The following MIPOL1 variants were observed in gnomAD, a reference collection of about 807,000 sequenced individuals.
MIPOL1 encodes the protein mirror-image polydactyly gene 1 protein.
Under a neutral mutation model 60.9 loss-of-function variants are expected in MIPOL1, and 57 were observed. The observed-to-expected ratio is 0.94, with a 90% CI of 0.76 to 1.17. The LOEUF is 1.17. MIPOL1 is among the 50% of genes most tolerant of loss of function. The pLI, the probability that MIPOL1 is intolerant of heterozygous loss-of-function variation, is 0.00. For missense variants in MIPOL1, 551 were observed against 511.6 expected, an observed-to-expected ratio of 1.08 and a Z score of -0.74; for synonymous variants, 179 against 168.8, an observed-to-expected ratio of 1.06 and a Z score of -0.47.
At chr14:37,442,162 G>C (rs1421174012) in intron 11 of MIPOL1, among the ~76,000 whole-genome samples, 1 of 151,202 alleles carries the variant, frequency 6.6e-6, no homozygotes. Context: ...TTCTGGAATT[G>C]GCTGTCAGCT....
intron 1 of MIPOL1, among the ~76,000 whole-genome samples, chr14:37,245,130 G>C (rs576582416): frequency 1.3e-5 from 2 of 152,058 alleles, no homozygotes; most frequent in East Asian, 3.9e-4. Context: ...ATGTCAGCTG[G>C]AACACAAATG....
intron 10 of MIPOL1, among the ~76,000 whole-genome samples, chr14:37,376,522 G>A (rs2092780915): frequency 6.6e-6 from 1 of 151,436 alleles, no homozygotes; most frequent in African/African-American, 2.4e-5. Flanking sequence ...TAAAATATAG[G>A]GCTTTTTTCT....
At position 37,208,793 on chromosome 14, in the gene MIPOL1, G is replaced by T. The variant is rs575502861; in HGVS notation, c.-199+10689G>T. On this transcript the variant is annotated intron_variant, in intron 1 of 12. Transcript: ENST00000684589. ...ATTAGTAGAGATGGGGATTCACCATGTTGGCCAGGCTGGTCTCAAACTCCT... is the reference window on the plus strand; with the variant it reads ...ATTAGTAGAGATGGGGATTCACCATTTTGGCCAGGCTGGTCTCAAACTCCT... 1.8e-3 allele frequency among the ~76,000 whole-genome samples: 268 copies of T among 152,212 alleles called. 1 individual carries two copies. The highest frequency in any genetic ancestry group is 2.5e-3 in the Non-Finnish European group (168 of 68,012).
At chr14:37,199,668 G>A (rs1045236523) in intron 1 of MIPOL1, among the ~76,000 whole-genome samples, 1 of 152,002 alleles carries the variant, frequency 6.6e-6, no homozygotes, top group Non-Finnish European at 1.5e-5. Context: ...GGGACTACAG[G>A]TGCCTACCAC....
intron 12 of MIPOL1, chr14:37,503,118 G>A (rs527609450): frequency 2.6e-5 from 4 of 152,022 alleles, no homozygotes; most frequent in Admixed American, 6.6e-5. Context: ...ATGGGATTAC[G>A]TGAAAAGACC....
At chr14:37,463,978 A>T (rs955229463) in intron 11 of MIPOL1, among the ~76,000 whole-genome samples, 7 of 152,214 alleles carry the variant, frequency 4.6e-5, no homozygotes, top group Admixed American at 4.6e-4. Flanking sequence ...AAAGGATGAC[A>T]TACATGTGGC....
At chr14:37,485,550 T>C (rs1441592917) in intron 11 of MIPOL1, among the ~76,000 whole-genome samples, 2 of 152,324 alleles carry the variant, frequency 1.3e-5, no homozygotes, top group Middle Eastern at 3.4e-3. Flanking sequence ...TGGTATCTCA[T>C]TGTGGTTTTC....
intron 1 of MIPOL1, among the ~76,000 whole-genome samples, chr14:37,220,682 T>A (rs771040954): frequency 2.6e-5 from 4 of 152,242 alleles, no homozygotes; most frequent in Admixed American, 6.5e-5. Flanking sequence ...AAACTGGTTT[T>A]AGGATTTCAG....
At chr14:37,393,641 C>G (rs1238968233) in intron 10 of MIPOL1, among the ~76,000 whole-genome samples, 1 of 151,264 alleles carries the variant, frequency 6.6e-6, no homozygotes, top group Non-Finnish European at 1.5e-5. Flanking sequence ...TTGTCCTATC[C>G]TTTGAAAATA....
intron 10 of MIPOL1, chr14:37,401,007 T>A (rs1430492734): frequency 4.6e-5 from 7 of 152,110 alleles, no homozygotes; most frequent in Admixed American, 2.0e-4. Context: ...ATAAGACTTC[T>A]TATAGAGAAC....
chr14:37,407,561 C>A (rs2153535773), intron 10 of MIPOL1, among the ~76,000 whole-genome samples: 1 of 152,168 alleles, frequency 6.6e-6, no homozygotes, highest in African/African-American at 2.4e-5. Flanking sequence ...ATATCAGAGA[C>A]TTATAACACA....
intron 12 of MIPOL1, among the ~76,000 whole-genome samples, chr14:37,531,508 T>G (rs2095479160): frequency 6.6e-6 from 1 of 152,096 alleles, no homozygotes; most frequent in Admixed American, 6.6e-5. Context: ...ACTTATAAGC[T>G]AATAAGCAAA....
At chr14:37,321,159 T>C (rs939358383) in intron 9 of MIPOL1, among the ~76,000 whole-genome samples, 15 of 152,020 alleles carry the variant, frequency 9.9e-5, no homozygotes, top group Non-Finnish European at 5.9e-5. Flanking sequence ...TAAAGCAAGA[T>C]TGGCATCTTA....
chr14:37,266,841 C>G, intron 3 of MIPOL1, 97 bp from the exon 4 acceptor site: 1 of 802,064 alleles, frequency 1.2e-6, no homozygotes, highest in Non-Finnish European at 2.0e-6. Context: ...ATGTTTAAAG[C>G]TAAAGAGTGT....
chr14:37,459,888 G>A (rs530073475), intron 11 of MIPOL1, among the ~76,000 whole-genome samples: 6 of 151,908 alleles, frequency 3.9e-5, no homozygotes, highest in South Asian at 2.1e-4. Flanking sequence ...CAGCCTGGCC[G>A]ACATGGTGAA....
chr14:37,210,823 C>T (rs1458440218), intron 1 of MIPOL1, among the ~76,000 whole-genome samples: 7 of 152,156 alleles, frequency 4.6e-5, no homozygotes, highest in Non-Finnish European at 8.8e-5. Context: ...ACTACAGCTA[C>T]ATTGTAGCAG....
chr14:37,466,741 G>C (rs922138087), intron 11 of MIPOL1, among the ~76,000 whole-genome samples: 2 of 152,112 alleles, frequency 1.3e-5, no homozygotes, highest in Non-Finnish European at 2.9e-5. Flanking sequence ...AGAAATAAAG[G>C]CCAGGCAAAT....
At chr14:37,225,478 C>T (rs1487942287) in intron 1 of MIPOL1, among the ~76,000 whole-genome samples, 2 of 152,182 alleles carry the variant, frequency 1.3e-5, no homozygotes, top group African/African-American at 2.4e-5. Flanking sequence ...ATGGAAGCTG[C>T]CAAGGTTTGA....
At chr14:37,490,403 C>A (rs886425635) in intron 11 of MIPOL1, among the ~76,000 whole-genome samples, 6 of 152,144 alleles carry the variant, frequency 3.9e-5, no homozygotes, top group Non-Finnish European at 5.9e-5. Flanking sequence ...GGGGGTGTGA[C>A]CTGCCAGCCA....
Sources: allele counts gnomAD v4.1 joint callset (sites outside exome capture counted in the v4.1 genomes callset), GRCh38; gene constraint gnomAD v4.1.1; transcripts MANE v1.5; gene names NCBI Gene and HGNC (gene_info 2026-07-23, HGNC 2026-07-21).